Variants in RANBP9 observed in about 807,000 individuals in gnomAD.
RANBP9 encodes RAN binding protein 9, also known as ran-binding protein 9.
Under a neutral mutation model 84.3 loss-of-function variants are expected in RANBP9, and 15 were observed. The observed-to-expected ratio is 0.18, with a 90% confidence interval of 0.12 to 0.27. The LOEUF is 0.27. RANBP9 is among the 10% of genes least tolerant of loss of function. The pLI, the probability that RANBP9 is intolerant of heterozygous loss-of-function variation, is 1.00. For synonymous variants in RANBP9, 392 were observed against 349.6 expected, an observed-to-expected ratio of 1.12 and a Z score of -1.35; for missense variants, 809 against 912.8, an observed-to-expected ratio of 0.89 and a Z score of 1.46.
At chr6:13,676,378 TA>T (rs1385513435) in intron 2 of RANBP9, among the ~76,000 whole-genome samples, 2 of 151,880 alleles carry the variant, frequency 1.3e-5, no homozygotes, top group Admixed American at 1.3e-4. Context: ...ACCAAACATG[TA>T]AGGAAGAAAT....
chr6:13,695,580 CAAGTTCATATAATTTG>C (rs1766427363), intron 2 of RANBP9, among the ~76,000 whole-genome samples: 1 of 151,648 alleles, frequency 6.6e-6, no homozygotes, highest in African/African-American at 2.4e-5. Context: ...AATATGAGGT[CAAGTTCATATAATTTG>C]AAGTATAAAA....
intron 2 of RANBP9, among the ~76,000 whole-genome samples, chr6:13,682,265 G>C (rs1006449081): frequency 2.0e-5 from 3 of 151,924 alleles, no homozygotes; most frequent in African/African-American, 7.3e-5. Flanking sequence ...ATAATTTTAA[G>C]TAAGTGAAAC....
chr6:13,634,000 G>T (rs1349451017), intron 11 of RANBP9, among the ~76,000 whole-genome samples: 2 of 151,806 alleles, frequency 1.3e-5, no homozygotes. Context: ...ATATACCAGG[G>T]ATAGTACTAT....
rs536197139 is a variant in RANBP9 at position 13,708,422 on chromosome 6, T to TCACACA, written c.571+2507_571+2512dup. Among the ~76,000 whole-genome samples the TCACACA allele has an allele frequency of 1.8e-3, 268 of 151,534 alleles. 1 individual carries two copies. The highest frequency in any genetic ancestry group is 6.2e-3 in the African/African-American group (253 of 40,910). ...TCAAGGCAACAAAGTTGAAATCCTATCACACACACATACACAAAAACACCA... is the reference window on the plus strand; with the variant it reads ...TCAAGGCAACAAAGTTGAAATCCTATCACACACACACACACATACACAAAAACACCA... On this transcript the variant is annotated intron_variant, in intron 1 of 13. Transcript: ENST00000011619.
chr6:13,639,368 G>A (rs577694557), intron 9 of RANBP9, among the ~76,000 whole-genome samples, 195 bp downstream of exon 9: 12 of 152,110 alleles, frequency 7.9e-5, no homozygotes, highest in Non-Finnish European at 1.3e-4. Context: ...TAGTAGAGAT[G>A]GGGTTATCAC....
intron 6 of RANBP9, among the ~76,000 whole-genome samples, chr6:13,644,316 AAATT>A (rs2127766144): frequency 6.6e-6 from 1 of 152,330 alleles, no homozygotes; most frequent in African/African-American, 2.4e-5. Flanking sequence ...TTCCTTCATC[AAATT>A]AATTCAGACT....
rs1764455654 is a variant in RANBP9 at position 13,621,784 on chromosome 6, C to G, written c.*578G>C. ...CCATGTTAAAACAAAACTACTGGGA[C>G]TAACAGGTCGGGATTGTAAGTAGCA... On this transcript the variant is annotated 3_prime_UTR_variant, in exon 14 of 14. Transcript: ENST00000011619. 6.6e-6 allele frequency: 1 copy of G among 152,638 alleles called. No individual in the cohort carries two copies. The allele number at this position is 152,638 out of a possible 1,614,324, so 9.5% of individuals were successfully genotyped here. A position where few individuals can be genotyped will look rare whatever the true frequency, so the allele number is the denominator to read the frequency against.
intron 7 of RANBP9, among the ~76,000 whole-genome samples, chr6:13,641,841 T>A (rs1405989325): frequency 2.6e-5 from 4 of 152,186 alleles, no homozygotes; most frequent in African/African-American, 9.6e-5. Context: ...CCCAATGTAA[T>A]CAGTGCTATT....
intron 1 of RANBP9, among the ~76,000 whole-genome samples, chr6:13,702,274 C>A (rs1396663542): frequency 6.6e-6 from 1 of 152,162 alleles, no homozygotes; most frequent in Non-Finnish European, 1.5e-5. Context: ...GAAATCCCAT[C>A]TCTACTAAAA....
In RANBP9 at chr6:13,680,097, T is replaced by TAGA. The variant is rs1340678913; in HGVS notation, c.683+16685_683+16687dup. 8.5e-5 allele frequency among the ~76,000 whole-genome samples: 13 copies of TAGA among 152,248 alleles called. No individual in the cohort carries two copies. In the South Asian group the frequency reaches 2.7e-3, roughly 31 times the overall value. Reference sequence around the variant, plus strand: ...AGTTAGTCAAGTGTTACAGATCCTTTAGAATTTCTCTGGCAGGTTTTCCAG... The same window carrying TAGA: ...AGTTAGTCAAGTGTTACAGATCCTTTAGAAGAATTTCTCTGGCAGGTTTTCCAG... On this transcript the variant is annotated intron_variant, in intron 2 of 13. Coordinates refer to ENST00000011619, the MANE Select transcript of RANBP9 (RefSeq NM_005493.3).
intron 4 of RANBP9, among the ~76,000 whole-genome samples, chr6:13,653,588 G>A (rs967149863): frequency 1.3e-5 from 2 of 152,110 alleles, no homozygotes; most frequent in African/African-American, 4.8e-5. Flanking sequence ...TCTTAAAACT[G>A]AGGGAATTTC....
chr6:13,705,651 G>A (rs2113370765), intron 1 of RANBP9, among the ~76,000 whole-genome samples: 1 of 151,542 alleles, frequency 6.6e-6, no homozygotes, highest in South Asian at 2.1e-4. Context: ...CACAAGGTCA[G>A]GAGATCAAGA....
At position 13,679,875 on chromosome 6, in the gene RANBP9, G is replaced by A. The variant is rs867424672; in HGVS notation, c.683+16910C>T. Among the ~76,000 whole-genome samples the A allele has an allele frequency of 3.5e-4, 54 of 152,144 alleles. 1 individual carries two copies. The highest frequency in any genetic ancestry group is 3.4e-3 in the Middle Eastern group (1 of 294). On this transcript the variant is annotated intron_variant, in intron 2 of 13. Coordinates refer to ENST00000011619, the MANE Select transcript of RANBP9 (RefSeq NM_005493.3). ...GTGCTATAACTTAAAAATTACACTG[G>A]ATGTTCAAGACTTGTTCACAGGAAG...
intron 9 of RANBP9, 107 bp downstream of exon 9, chr6:13,639,456 G>C: frequency 1.6e-6 from 2 of 1,238,374 alleles, no homozygotes; most frequent in Non-Finnish European, 2.2e-6. Flanking sequence ...GGGATTACAA[G>C]CGTGAGCCAC....
In RANBP9 at chr6:13,711,014, C is replaced by G; in HGVS notation, c.492G>C (p.Pro164=). The G allele has an allele frequency of 6.2e-7, 1 of 1,606,056 alleles. No individual in the cohort carries two copies. The highest frequency in any genetic ancestry group is 2.2e-5 in the East Asian group (1 of 44,492). Residue 164 remains proline, a synonymous_variant, in exon 1 of 14, where the codon CCG becomes CCC. Coordinates refer to ENST00000011619, the MANE Select transcript of RANBP9 (RefSeq NM_005493.3). ...CCTTCGGGCTCCAGGACCGAGGCAG[C>G]GGCGTCTCTTGTTCGTCCACGGCCG... ...LYPAVDEQET[P]LPRSWSPKDK... is the part of the protein sequence containing the mutation.
chr6:13,701,230 T>C (rs1757960999), intron 1 of RANBP9, among the ~76,000 whole-genome samples: 1 of 152,232 alleles, frequency 6.6e-6, no homozygotes, highest in Non-Finnish European at 1.5e-5. Flanking sequence ...AGTATCATAA[T>C]CTACCTTCCA....
chr6:13,672,442 T>C (rs1279969093), intron 2 of RANBP9, among the ~76,000 whole-genome samples: 1 of 152,080 alleles, frequency 6.6e-6, no homozygotes, highest in African/African-American at 2.4e-5. Context: ...TAAAAGTTTC[T>C]AAGGAAACTC....
intron 6 of RANBP9, among the ~76,000 whole-genome samples, chr6:13,642,852 C>T (rs559552385): frequency 1.8e-4 from 28 of 152,266 alleles, no homozygotes; most frequent in African/African-American, 6.5e-4. Context: ...GAATCAAGGA[C>T]ATTAAATGAC....
At chr6:13,695,130 G>C (rs545570547) in intron 2 of RANBP9, among the ~76,000 whole-genome samples, 49 of 152,312 alleles carry the variant, frequency 3.2e-4, no homozygotes, top group Admixed American at 6.5e-4. Context: ...GTCCTGTTAA[G>C]AAGCTCTACA....
Sources: gnomAD v4.1 joint callset for allele counts (sites outside exome capture counted in the v4.1 genomes callset) on GRCh38, gnomAD v4.1.1 for gene constraint, MANE v1.5 for transcripts, NCBI Gene and HGNC (gene_info 2026-07-23, HGNC 2026-07-21) for gene names.